Variants in CACNB3 observed in about 807,000 individuals in gnomAD.
CACNB3 encodes the protein voltage-dependent L-type calcium channel subunit beta-3.
A neutral mutation model predicts 63.7 loss-of-function variants in CACNB3; 36 were observed. The observed-to-expected ratio is 0.57, with a 90% CI of 0.43 to 0.75. The LOEUF is 0.75. Ranked by LOEUF, CACNB3 falls within the 30% of genes least tolerant of loss-of-function variation. The probability of loss-of-function intolerance (pLI) is 0.00; values close to 1 mark genes in which losing one functional copy is unlikely to be tolerated. For synonymous variants in CACNB3, 241 were observed against 250.6 expected, an observed-to-expected ratio of 0.96 and a Z score of 0.36; for missense variants, 493 against 648.6, an observed-to-expected ratio of 0.76 and a Z score of 2.61.
chr12:48,826,747 C>G lies in CACNB3; in HGVS notation c.895-12C>G. 2 of 1,610,254 alleles carry G rather than the reference C, an allele frequency of 1.2e-6. No individual in the cohort carries two copies. The highest frequency in any genetic ancestry group is 1.7e-6 in the Non-Finnish European group (2 of 1,176,498). On this transcript the variant is annotated splice_polypyrimidine_tract_variant and intron_variant, in intron 10 of 12. Transcript: ENST00000301050. The surrounding 1 kb of genome is among the most constrained non-coding windows in gnomAD (Gnocchi z 4.8). Reference sequence around the variant, plus strand: ...GAGAGACTCCAGGCCTAGCTCTGCCCTCCCCGCTCAGGTACTCCAGCGTCT... The same window carrying G: ...GAGAGACTCCAGGCCTAGCTCTGCCGTCCCCGCTCAGGTACTCCAGCGTCT...
Position 48,818,748 on chromosome 12 carries a change from C to G in CACNB3, c.-182C>G. On this transcript the variant is annotated 5_prime_UTR_variant, in exon 1 of 13. In the 5' UTR this introduces an upstream ATG that the reference lacks. Transcript: ENST00000301050. The surrounding 1 kb of genome is among the most constrained non-coding windows in gnomAD (Gnocchi z 4.3). ...GGGGTGGGGTGGGGGGAGCGGTGAT[C>G]TGAGCTCCGAGCAGCTGGTCTTCGC... is the stretch of plus-strand genomic sequence containing the variant. 7 of 1,325,916 alleles carry G rather than the reference C, an allele frequency of 5.3e-6. No homozygotes were observed. Among genetic ancestry groups the G allele is most frequent in the Non-Finnish European group, 6.7e-6 (7 of 1,039,370 alleles). 82.1% of individuals were successfully genotyped at this position (1,325,916 alleles called of 1,614,324 possible).
intron 4 of CACNB3, 27 bp downstream of exon 4, chr12:48,824,400 A>T: frequency 6.4e-7 from 1 of 1,559,108 alleles, no homozygotes. Flanking sequence ...GAGTCAGTAA[A>T]CACACCCCAA....
intron 1 of CACNB3, among the ~76,000 whole-genome samples, chr12:48,821,640 C>T (rs980591258): frequency 2.0e-5 from 3 of 152,146 alleles, no homozygotes; most frequent in African/African-American, 7.2e-5. Flanking sequence ...TTGCCTCCTG[C>T]CTCCCAGTCT....
rs1057020451 is a variant in CACNB3, at chr12:48,827,884, C to T, written c.1440C>T (p.Pro480=). Residue 480 remains proline (P), a synonymous_variant, in exon 13 of 13, where the codon CCC becomes CCT. Transcript: ENST00000301050. The part of the protein sequence containing the change: ...DRNWQRNRPW[P]KDSY ...ACTGGCAGCGCAACCGGCCTTGGCC[C>T]AAGGATAGCTACTGACAGCCTCCTG... is the stretch of plus-strand genomic sequence containing the variant. The T allele has an allele frequency of 8.1e-6, 13 of 1,613,394 alleles. No individual in the cohort carries two copies. The highest frequency in any genetic ancestry group is 1.3e-5 in the African/African-American group (1 of 74,900).
chr12:48,827,956 T>C lies in CACNB3; in HGVS notation c.*57T>C, dbSNP rs777744365. 601 of 1,456,798 alleles carry C rather than the reference T, an allele frequency of 4.1e-4. No individual in the cohort carries two copies. The highest frequency in any genetic ancestry group is 4.9e-4 in the Non-Finnish European group (515 of 1,055,928). 90.2% of individuals were successfully genotyped at this position (1,456,798 alleles called of 1,614,324 possible). The stretch of plus-strand genomic sequence containing the variant: ...AGGCGCAGCTGGCTGGGGGGCCCAC[T>C]CCAGGCAGGGTGGCGTTAGACTGGC... On this transcript the variant is annotated 3_prime_UTR_variant, in exon 13 of 13. Coordinates refer to ENST00000301050, the MANE Select transcript of CACNB3 (RefSeq NM_000725.4).
chr12:48,827,393 G>C (rs529211056), intron 12 of CACNB3, among the ~76,000 whole-genome samples, 192 bp from the exon 13 acceptor site: 59 of 152,252 alleles, frequency 3.9e-4, no homozygotes, highest in Non-Finnish European at 7.6e-4. Flanking sequence ...CTTGAAGGCA[G>C]AGCCTGAATT....
rs1938223149 is a variant in CACNB3 at position 48,827,662 on chromosome 12, C to A, written c.1218C>A (p.Ala406=). The A allele has an allele frequency of 6.2e-7, 1 of 1,613,688 alleles. No homozygotes were observed. Among genetic ancestry groups the A allele is most frequent in the African/African-American group, 1.3e-5 (1 of 74,922 alleles). ...ERDSLMPSDE[A]SESSRQAWTG... Reference sequence around the variant, plus strand: ...ACAGCTTGATGCCCTCTGATGAGGCCAGCGAGAGCTCCCGCCAAGCCTGGA... The same window carrying A: ...ACAGCTTGATGCCCTCTGATGAGGCAAGCGAGAGCTCCCGCCAAGCCTGGA... The change falls in exon 13 of 13, where the codon GCC becomes GCA. Residue 406 remains alanine, a synonymous_variant. Coordinates refer to ENST00000301050, the MANE Select transcript of CACNB3 (RefSeq NM_000725.4).
rs1344680499 is a variant in CACNB3 at position 48,818,975 on chromosome 12, G to T, written c.45+1G>T. 3 of 1,605,998 alleles carry T rather than the reference G, an allele frequency of 1.9e-6. No individual in the cohort carries two copies. In the Admixed American group the frequency reaches 5.1e-5, roughly 27 times the overall value. On this transcript the variant is annotated splice_donor_variant, in intron 1 of 12. Transcript: ENST00000301050. LOFTEE classifies it high-confidence loss of function. This position sits in a 1 kb window ranked among gnomAD's most constrained non-coding sequence, Gnocchi z 4.3. ...GCCCGGGTTTGAGGACTCGGAGGCG[G>T]TGAGTGCCCACGATGAGGGTGGGGG...
Position 48,823,506 on chromosome 12 carries a change from T to C in CACNB3, c.168+40T>C, listed in dbSNP as rs1380826044. The C allele has an allele frequency of 6.2e-7, 1 of 1,608,060 alleles. No individual in the cohort carries two copies. Among genetic ancestry groups the C allele is most frequent in the Non-Finnish European group, 8.5e-7 (1 of 1,176,776 alleles). On this transcript the variant is annotated intron_variant, in intron 2 of 12. Coordinates refer to ENST00000301050, the MANE Select transcript of CACNB3 (RefSeq NM_000725.4). This position sits in a 1 kb window ranked among gnomAD's most constrained non-coding sequence, Gnocchi z 4.2. ...CATGGGGCAAGACAGGAGGCCAAGC[T>C]AGGTGGAAACCTGCACTCGGTCCTA...
At chr12:48,824,879 G>A (rs1176346722) in intron 5 of CACNB3, 70 bp from the exon 6 acceptor site, 35 of 1,570,572 alleles carry the variant, frequency 2.2e-5, no homozygotes, top group African/African-American at 8.1e-5. Flanking sequence ...CCCTGGGGAC[G>A]GGGATACCAT....
At position 48,826,002 on chromosome 12, in the gene CACNB3, C is replaced by G. The variant is rs976726172; in HGVS notation, c.742+233C>G. Among the ~76,000 whole-genome samples the G allele has an allele frequency of 6.6e-6, 1 of 152,026 alleles. No individual in the cohort carries two copies. The highest frequency in any genetic ancestry group is 1.5e-5 in the Non-Finnish European group (1 of 68,000). The stretch of plus-strand genomic sequence containing the variant: ...CATCACCACGCCCAGCTAATTTTTG[C>G]ATTTTTAGTAGACGTGGGGTTTCAC... On this transcript the variant is annotated intron_variant, in intron 9 of 12. Transcript: ENST00000301050. The surrounding 1 kb of genome is among the most constrained non-coding windows in gnomAD (Gnocchi z 4.8).
chr12:48,823,579 T>A lies in CACNB3; in HGVS notation c.169-102T>A, dbSNP rs1254488429. ...GGATGTCCTTGAGTGTGAGAGGGTGTGTGTGATGGGCAGAGGCCACGGCCT... is the reference window on the plus strand; with the variant it reads ...GGATGTCCTTGAGTGTGAGAGGGTGAGTGTGATGGGCAGAGGCCACGGCCT... On this transcript the variant is annotated intron_variant, in intron 2 of 12. Transcript: ENST00000301050. The surrounding 1 kb of genome is among the most constrained non-coding windows in gnomAD (Gnocchi z 4.2). 8.1e-6 allele frequency: 13 copies of A among 1,600,470 alleles called. No individual in the cohort carries two copies. The highest frequency in any genetic ancestry group is 9.4e-6 in the Non-Finnish European group (11 of 1,172,334).
chr12:48,828,730 T>A lies in CACNB3; in HGVS notation c.*831T>A. 1 of 456,502 alleles carries A rather than the reference T, an allele frequency of 2.2e-6. No homozygotes were observed. The highest frequency in any genetic ancestry group is 1.5e-5 in the South Asian group (1 of 64,560). 28.3% of individuals were successfully genotyped at this position (456,502 alleles called of 1,614,324 possible). A position where few individuals can be genotyped will look rare whatever the true frequency, so the allele number is the denominator to read the frequency against. The stretch of plus-strand genomic sequence containing the variant: ...ATCCTGTCATTTCTGTTCTTGTCCC[T>A]CATACATCTTTGGAGAACCGGGCTC... On this transcript the variant is annotated 3_prime_UTR_variant, in exon 13 of 13. Coordinates refer to ENST00000301050, the MANE Select transcript of CACNB3 (RefSeq NM_000725.4).
At position 48,823,411 on chromosome 12, in the gene CACNB3, A is replaced by G. The variant is rs1423293208; in HGVS notation, c.113A>G (p.Glu38Gly). ...GACGTCTCCCTGGAGGAGGACCGGG[A>G]GAGTGCCCGGCGTGAAGTAGAGAGC... The part of the protein sequence containing the change: ...DSDVSLEEDR[E>G]SARREVESQA... The change falls in exon 2 of 13, where the codon GAG (glutamate) becomes GGG (glycine). Residue 38 changes from glutamate (E) to glycine (G), a missense_variant. By Grantham distance (98) the Glu-to-Gly change is moderately conservative (BLOSUM62 -2). Coordinates refer to ENST00000301050, the MANE Select transcript of CACNB3 (RefSeq NM_000725.4). The surrounding 1 kb of genome is among the most constrained non-coding windows in gnomAD (Gnocchi z 4.2). 1 of 1,614,112 alleles carries G rather than the reference A, an allele frequency of 6.2e-7. No individual in the cohort carries two copies. The highest frequency in any genetic ancestry group is 8.5e-7 in the Non-Finnish European group (1 of 1,179,998).
chr12:48,821,747 A>G (rs1428330220), intron 1 of CACNB3, among the ~76,000 whole-genome samples: 2 of 152,076 alleles, frequency 1.3e-5, no homozygotes, highest in Non-Finnish European at 2.9e-5. Flanking sequence ...CCCTGTGCAA[A>G]GATTATTTCT....
chr12:48,815,797 C>T, upstream of CACNB3: 1 of 1,049,152 alleles, frequency 9.5e-7, no homozygotes, highest in Non-Finnish European at 1.4e-6. Flanking sequence ...AGCTCCGCTC[C>T]AAGCTAGGAA....
upstream of CACNB3, chr12:48,815,455 G>A (rs541935563): frequency 1.8e-4 from 176 of 988,374 alleles, no homozygotes; most frequent in Non-Finnish European, 2.4e-4. Context: ...AAGGCAGGGA[G>A]AGCCAGAGAC....
rs1592196397 is a variant in CACNB3, at chr12:48,828,579, G to A, written c.*680G>A. ...GCTTCTTAACATGTGACAGGACCAG[G>A]GACCAGGAGCATGGTGAAGCCAAGT... is the stretch of plus-strand genomic sequence containing the variant. On this transcript the variant is annotated 3_prime_UTR_variant, in exon 13 of 13. Coordinates refer to ENST00000301050, the MANE Select transcript of CACNB3 (RefSeq NM_000725.4). 1.6e-5 allele frequency: 7 copies of A among 436,046 alleles called. No homozygotes were observed. Among genetic ancestry groups the A allele is most frequent in the South Asian group, 9.8e-5 (6 of 61,278 alleles). 27.0% of individuals were successfully genotyped at this position (436,046 alleles called of 1,614,324 possible). A position where few individuals can be genotyped will look rare whatever the true frequency, so the allele number is the denominator to read the frequency against.
Position 48,825,293 on chromosome 12 carries a change from C to T in CACNB3, c.573+50C>T. Reference sequence around the variant, plus strand: ...AGAGTCACCTCTACCAAGCCTGCCACAGGAAGTCCCTAGGGAAAGTGGAAG... The same window carrying T: ...AGAGTCACCTCTACCAAGCCTGCCATAGGAAGTCCCTAGGGAAAGTGGAAG... On this transcript the variant is annotated intron_variant, in intron 7 of 12. Coordinates refer to ENST00000301050, the MANE Select transcript of CACNB3 (RefSeq NM_000725.4). This position sits in a 1 kb window ranked among gnomAD's most constrained non-coding sequence, Gnocchi z 4.5. The T allele has an allele frequency of 1.3e-6, 2 of 1,588,648 alleles. No homozygotes were observed. The highest frequency in any genetic ancestry group is 1.7e-6 in the Non-Finnish European group (2 of 1,158,130).
Sources: allele counts gnomAD v4.1 joint callset (sites outside exome capture counted in the v4.1 genomes callset), GRCh38; gene constraint gnomAD v4.1.1; non-coding constraint Gnocchi (gnomAD v3.1); transcripts MANE v1.5; gene names NCBI Gene and HGNC (gene_info 2026-07-23, HGNC 2026-07-21).